Variants in THUMPD2 observed in about 807,000 individuals in gnomAD.
The protein encoded by THUMPD2 is THUMP domain 2 tRNA and snRNA guanosine methyltransferase.
THUMPD2 carries 56 observed loss-of-function variants against 49.4 expected under a neutral mutation model. That is an observed-to-expected ratio of 1.13 (90% confidence interval 0.91 to 1.41). The LOEUF is 1.41. THUMPD2 is among the 40% of genes most tolerant of loss of function. The pLI is 0.00. For missense variants in THUMPD2, 709 were observed against 594.5 expected, an observed-to-expected ratio of 1.19 and a Z score of -2.00; for synonymous variants, 237 against 205.2, an observed-to-expected ratio of 1.15 and a Z score of -1.32.
chr2:39,758,972 A>AT, intron 6 of THUMPD2, among the ~76,000 whole-genome samples: 1 of 152,220 alleles, frequency 6.6e-6, no homozygotes, highest in Non-Finnish European at 1.5e-5. Flanking sequence ...AAAAGTCAGG[A>AT]TTTTTTTAAG....
Position 39,736,664 on chromosome 2 carries a change from C to G in THUMPD2, c.*71G>C. 1 of 1,420,918 alleles carries G rather than the reference C, an allele frequency of 7.0e-7. No individual in the cohort carries two copies. The highest frequency in any genetic ancestry group is 9.5e-7 in the Non-Finnish European group (1 of 1,057,122). 88.0% of individuals were successfully genotyped at this position (1,420,918 alleles called of 1,614,324 possible). A position where few individuals can be genotyped will look rare whatever the true frequency, so the allele number is the denominator to read the frequency against. Reference sequence around the variant, plus strand: ...GAGCTCTGTGGGTGCTATATGAATCCTAGAGACAGCAAACTTCTGCTGTAC... The same window carrying G: ...GAGCTCTGTGGGTGCTATATGAATCGTAGAGACAGCAAACTTCTGCTGTAC... On this transcript the variant is annotated 3_prime_UTR_variant, in exon 10 of 10. Coordinates refer to ENST00000505747, the MANE Select transcript of THUMPD2 (RefSeq NM_025264.5).
At chr2:39,741,003 T>G (rs369643926) in intron 9 of THUMPD2, among the ~76,000 whole-genome samples, 1 of 152,184 alleles carries the variant, frequency 6.6e-6, no homozygotes, top group East Asian at 1.9e-4. Context: ...TGAGCTACTG[T>G]GCCCAGAAAC....
rs1572807413 is a variant in THUMPD2 at position 39,755,901 on chromosome 2, A to G, written c.951T>C (p.Ala317=). ...CTTTAGAACTTACTGGCCATTCTTT[A>G]GCAGCTTCCAAAAGTATTGTTCCAA... ...CGLGTILLEA[A]KEWPDVYYVG... is the part of the protein sequence containing the mutation. Residue 317 remains alanine (A), a synonymous_variant, in exon 7 of 10, where the codon GCT becomes GCC. Transcript: ENST00000505747. The G allele has an allele frequency of 6.2e-7, 1 of 1,613,830 alleles. No individual in the cohort carries two copies. Among genetic ancestry groups the G allele is most frequent in the East Asian group, 2.2e-5 (1 of 44,826 alleles).
chr2:39,737,633 G>A (rs767556388), intron 9 of THUMPD2, among the ~76,000 whole-genome samples: 1 of 152,340 alleles, frequency 6.6e-6, no homozygotes, highest in South Asian at 2.1e-4. Flanking sequence ...AGAGAGGCGA[G>A]TAAAGGGTGT....
chr2:39,771,226 T>C (rs993369258), intron 2 of THUMPD2, among the ~76,000 whole-genome samples: 1 of 152,122 alleles, frequency 6.6e-6, no homozygotes, highest in Non-Finnish European at 1.5e-5. Context: ...TGACCATATA[T>C]ATCTCTAGAG....
At chr2:39,747,440 A>T (rs1674758855) in intron 8 of THUMPD2, among the ~76,000 whole-genome samples, 1 of 152,200 alleles carries the variant, frequency 6.6e-6, no homozygotes, top group African/African-American at 2.4e-5. Context: ...AGTCTTAAAC[A>T]CGCAAAATGT....
intron 9 of THUMPD2, 45 bp downstream of exon 9, chr2:39,744,325 T>C: frequency 8.2e-7 from 1 of 1,222,054 alleles, no homozygotes. Flanking sequence ...TTCGGTTAAA[T>C]GCCCAGTAGC....
chr2:39,736,944 C>A lies in THUMPD2; in HGVS notation c.1303G>T (p.Glu435Ter), dbSNP rs747803255. ...TTCAAGCACTTTTTAATTCCAGGTT[C>A]ATCTGTGTGACTGTCCTTGGAATTG... is the stretch of plus-strand genomic sequence containing the variant. ...PFNSKDSHTD[E>*]PGIKKCLNPE... Residue 435 changes from glutamate to a stop codon, truncating the protein, a stop_gained, in exon 10 of 10, where the codon GAA becomes TAA. Transcript: ENST00000505747. LOFTEE classifies it low-confidence loss of function (END_TRUNC). 1 of 1,614,062 alleles carries A rather than the reference C, an allele frequency of 6.2e-7. No individual in the cohort carries two copies. Among genetic ancestry groups the A allele is most frequent in the South Asian group, 1.1e-5 (1 of 91,072 alleles).
intron 8 of THUMPD2, among the ~76,000 whole-genome samples, chr2:39,750,150 C>G (rs1675196841): frequency 6.6e-6 from 1 of 152,146 alleles, no homozygotes; most frequent in Admixed American, 6.5e-5. Flanking sequence ...GTATTTCTGC[C>G]TCCGGATCTT....
At chr2:39,747,699 T>C (rs935706209) in intron 8 of THUMPD2, among the ~76,000 whole-genome samples, 11 of 152,188 alleles carry the variant, frequency 7.2e-5, no homozygotes, top group Admixed American at 6.5e-4. Flanking sequence ...ACAGTGCTAA[T>C]ATCTGAACAA....
At chr2:39,757,688 G>C (rs1187313711) in intron 6 of THUMPD2, among the ~76,000 whole-genome samples, 1 of 152,192 alleles carries the variant, frequency 6.6e-6, no homozygotes, top group Non-Finnish European at 1.5e-5. Context: ...CTGAGGTAGA[G>C]ATGTATTTCT....
chr2:39,744,444 A>G lies in THUMPD2; in HGVS notation c.1113T>C (p.Ile371=). Residue 371 remains isoleucine (I), a synonymous_variant, in exon 9 of 10, where the codon ATT becomes ATC. Coordinates refer to ENST00000505747, the MANE Select transcript of THUMPD2 (RefSeq NM_025264.5). ...TTTTCCCAAATGGAATGTCAGAAATAATAATATCAACACTTTCTGAAGGCA... is the reference window on the plus strand; with the variant it reads ...TTTTCCCAAATGGAATGTCAGAAATGATAATATCAACACTTTCTGAAGGCA... ...LPLPSESVDI[I]ISDIPFGKKF... 1 of 1,588,130 alleles carries G rather than the reference A, an allele frequency of 6.3e-7. No homozygotes were observed.
chr2:39,772,688 A>G (rs1264322010), intron 1 of THUMPD2, among the ~76,000 whole-genome samples: 2 of 152,206 alleles, frequency 1.3e-5, no homozygotes, highest in Non-Finnish European at 2.9e-5. Flanking sequence ...TCTTAAGTCC[A>G]GGATGGATGT....
chr2:39,776,610 C>T (rs947896392), intron 1 of THUMPD2, among the ~76,000 whole-genome samples: 6 of 151,908 alleles, frequency 3.9e-5, no homozygotes, highest in Non-Finnish European at 5.9e-5. Flanking sequence ...AGGCTGGTCT[C>T]GAACTCCTGA....
intron 1 of THUMPD2, among the ~76,000 whole-genome samples, chr2:39,774,072 G>A (rs766831288): frequency 6.6e-6 from 1 of 152,204 alleles, no homozygotes; most frequent in Non-Finnish European, 1.5e-5. Flanking sequence ...TTAGGTAACT[G>A]GTATGTTTAC....
At chr2:39,779,005 G>C in intron 1 of THUMPD2, 109 bp downstream of exon 1, 1 of 1,299,906 alleles carries the variant, frequency 7.7e-7, no homozygotes, top group Non-Finnish European at 9.8e-7. Context: ...ACCGTCGCGT[G>C]GAACAGAGAG....
rs11303287 is a variant in THUMPD2 at position 39,744,042 on chromosome 2, GTT to G, written c.1187+326_1187+327del. On this transcript the variant is annotated intron_variant, in intron 9 of 9. Coordinates refer to ENST00000505747, the MANE Select transcript of THUMPD2 (RefSeq NM_025264.5). ...TGGGGGATTAACACAGAGAAGGCAG[GTT>G]TTTTTTTTTTTTTGTGAGGGATGGA... is the stretch of plus-strand genomic sequence containing the variant. 4.4e-3 allele frequency among the ~76,000 whole-genome samples: 625 copies of G among 142,358 alleles called. 10 individuals are homozygous for G. Among genetic ancestry groups the G allele is most frequent in the African/African-American group, 0.014 (565 of 39,028 alleles). The allele number at this position is 142,358 out of a possible 152,430, so 93.4% of individuals were successfully genotyped here. A position where few individuals can be genotyped will look rare whatever the true frequency, so the allele number is the denominator to read the frequency against.
At chr2:39,769,672 G>A (rs1678047076) in intron 3 of THUMPD2, 38 bp downstream of exon 3, 2 of 1,469,378 alleles carry the variant, frequency 1.4e-6, no homozygotes, top group African/African-American at 1.5e-5. Flanking sequence ...CTGCATTCCA[G>A]CCTGGGCGAC....
At chr2:39,752,052 G>C (rs1675482668) in intron 8 of THUMPD2, among the ~76,000 whole-genome samples, 1 of 152,032 alleles carries the variant, frequency 6.6e-6, no homozygotes, top group Non-Finnish European at 1.5e-5. Context: ...TAAAAAGGTA[G>C]AAAAAATAAA....
Sources: allele counts gnomAD v4.1 joint callset (sites outside exome capture counted in the v4.1 genomes callset), GRCh38; gene constraint gnomAD v4.1.1; transcripts MANE v1.5; gene names NCBI Gene and HGNC (gene_info 2026-07-23, HGNC 2026-07-21).